CACNA2D1: variants seen among roughly 807,000 people sequenced by gnomAD.
CACNA2D1 encodes the protein calcium voltage-gated channel auxiliary subunit alpha2delta 1, also known as voltage-dependent calcium channel subunit alpha-2/delta-1.
A neutral mutation model predicts 171.5 loss-of-function variants in CACNA2D1; 53 were observed. The ratio of observed to expected loss-of-function variants is 0.31; its 90% confidence interval spans 0.25 to 0.39. The LOEUF (loss-of-function observed/expected upper bound fraction) is 0.39, where lower values mean the gene tolerates loss of function less well. Among genes scored for constraint, CACNA2D1 ranks in the 10% least tolerant of loss-of-function variants. The probability of loss-of-function intolerance (pLI) is 1.00; values close to 1 mark genes in which losing one functional copy is unlikely to be tolerated. For missense variants in CACNA2D1, 903 were observed against 1,299.8 expected, an observed-to-expected ratio of 0.69 and a Z score of 4.69; for synonymous variants, 442 against 443.1, an observed-to-expected ratio of 1.00 and a Z score of 0.03.
intron 1 of CACNA2D1, among the ~76,000 whole-genome samples, chr7:82,357,142 G>T (rs1265175489): frequency 6.6e-6 from 1 of 152,026 alleles, no homozygotes; most frequent in African/African-American, 2.4e-5. Flanking sequence ...TTTTCATTAA[G>T]CATGAGAGAA....
intron 1 of CACNA2D1, among the ~76,000 whole-genome samples, chr7:82,428,117 A>C (rs6467896): frequency 1.3e-5 from 2 of 151,706 alleles, no homozygotes; most frequent in African/African-American, 2.4e-5. Flanking sequence ...TAAAAAAAAA[A>C]CAAACAAAAA....
chr7:82,190,862 G>C (rs934949136), intron 3 of CACNA2D1, among the ~76,000 whole-genome samples: 1 of 151,528 alleles, frequency 6.6e-6, no homozygotes, highest in Non-Finnish European at 1.5e-5. Flanking sequence ...TTTGAGCCTT[G>C]AAAAGTCAAC....
chr7:81,987,357 T>C (rs1797075287), intron 21 of CACNA2D1, among the ~76,000 whole-genome samples: 1 of 152,156 alleles, frequency 6.6e-6, no homozygotes, highest in Non-Finnish European at 1.5e-5. Context: ...TAAAGTTTAA[T>C]AAAGCAAGTG....
At chr7:82,286,262 G>A (rs1437949501) in intron 3 of CACNA2D1, among the ~76,000 whole-genome samples, 1 of 152,006 alleles carries the variant, frequency 6.6e-6, no homozygotes, top group Non-Finnish European at 1.5e-5. Flanking sequence ...CTTTCTCTGG[G>A]AAGTCTGTTT....
At chr7:82,055,983 AC>A (rs1208763983) in intron 10 of CACNA2D1, among the ~76,000 whole-genome samples, 1 of 134,718 alleles carries the variant, frequency 7.4e-6, no homozygotes, top group Admixed American at 7.8e-5. Context: ...CCAAAAGGTT[AC>A]ATGACAATAA....
intron 1 of CACNA2D1, among the ~76,000 whole-genome samples, chr7:82,363,254 CTTTTTTTTTT>C (rs35419275): frequency 2.8e-4 from 18 of 63,422 alleles, no homozygotes; most frequent in African/African-American, 1.1e-3. Context: ...TTATTTGTCT[CTTTTTTTTTT>C]TTTTTTTTTT....
Position 82,388,881 on chromosome 7 carries a change from C to A in CACNA2D1, c.96-39232G>T, listed in dbSNP as rs576258350. On this transcript the variant is annotated intron_variant, in intron 1 of 38. Coordinates refer to ENST00000356860, the MANE Select transcript of CACNA2D1 (RefSeq NM_000722.4). ...CTGTAATCCCAGCACTTTAGGAGGC[C>A]GAGGCTGGCGGATGACTGGAGGCAG... is the stretch of plus-strand genomic sequence containing the variant. Among the ~76,000 whole-genome samples, 13 of 151,808 alleles carry A rather than the reference C, an allele frequency of 8.6e-5. 1 individual carries two copies. Among genetic ancestry groups the A allele is most frequent in the African/African-American group, 2.9e-4 (12 of 41,426 alleles).
chr7:81,984,375 G>A (rs920369808), intron 22 of CACNA2D1, among the ~76,000 whole-genome samples: 1 of 152,200 alleles, frequency 6.6e-6, no homozygotes, highest in African/African-American at 2.4e-5. Context: ...GCACTGCAAT[G>A]ATTCTATGAG....
chr7:82,429,577 G>A lies in CACNA2D1; in HGVS notation c.95+13788C>T, dbSNP rs149219627. ...TCCTCTGTCACAGTCATGTACAGCC[G>A]GGACTCAGCTGGCCTTTAGATGCCA... On this transcript the variant is annotated intron_variant, in intron 1 of 38. Transcript: ENST00000356860. 1.2e-3 allele frequency among the ~76,000 whole-genome samples: 188 copies of A among 152,218 alleles called. 1 individual carries two copies. Among genetic ancestry groups the A allele is most frequent in the Middle Eastern group, 3.4e-3 (1 of 294 alleles).
chr7:82,292,443 G>T (rs1417786137), intron 3 of CACNA2D1, among the ~76,000 whole-genome samples: 2 of 151,998 alleles, frequency 1.3e-5, no homozygotes, highest in African/African-American at 4.8e-5. Context: ...TGTTTTGTTG[G>T]AGCACTTCCT....
intron 6 of CACNA2D1, among the ~76,000 whole-genome samples, chr7:82,096,350 C>A (rs1328224933): frequency 5.9e-5 from 9 of 152,106 alleles, no homozygotes; most frequent in Non-Finnish European, 8.8e-5. Flanking sequence ...CAGGGCCTAT[C>A]AAGACAGACA....
At chr7:82,413,226 T>A (rs1827850520) in intron 1 of CACNA2D1, among the ~76,000 whole-genome samples, 1 of 152,238 alleles carries the variant, frequency 6.6e-6, no homozygotes, top group Non-Finnish European at 1.5e-5. Context: ...AATTTTTATA[T>A]CTGTGCAAAA....
chr7:82,065,369 A>T (rs1029650292), intron 8 of CACNA2D1, among the ~76,000 whole-genome samples: 2 of 152,126 alleles, frequency 1.3e-5, no homozygotes, highest in African/African-American at 4.8e-5. Context: ...ACTCAGTGGG[A>T]AGATAAGAGA....
intron 1 of CACNA2D1, among the ~76,000 whole-genome samples, chr7:82,395,179 T>C (rs1825634505): frequency 7.3e-6 from 1 of 136,300 alleles, no homozygotes; most frequent in African/African-American, 3.0e-5. Context: ...TTCTAGACAC[T>C]AAAAACACAA....
intron 38 of CACNA2D1, among the ~76,000 whole-genome samples, chr7:81,958,142 C>T (rs1793659627): frequency 6.6e-6 from 1 of 151,896 alleles, no homozygotes; most frequent in African/African-American, 2.4e-5. Context: ...AATTACTCTC[C>T]CTAGCAAGGA....
At chr7:82,402,705 C>CAAAAAAAAAA (rs59290672) in intron 1 of CACNA2D1, among the ~76,000 whole-genome samples, 5 of 64,818 alleles carry the variant, frequency 7.7e-5, no homozygotes, top group Non-Finnish European at 1.4e-4. Flanking sequence ...GACTCTGTCT[C>CAAAAAAAAAA]AAAAAAAAAA....
chr7:82,267,776 C>T (rs982412582), intron 3 of CACNA2D1, among the ~76,000 whole-genome samples: 23 of 152,044 alleles, frequency 1.5e-4, no homozygotes, highest in Non-Finnish European at 2.5e-4. Flanking sequence ...GGGCGGATCA[C>T]GAGGTCAGGA....
At chr7:82,340,831 A>G (rs537241069) in intron 2 of CACNA2D1, among the ~76,000 whole-genome samples, 1 of 152,326 alleles carries the variant, frequency 6.6e-6, no homozygotes, top group South Asian at 2.1e-4. Flanking sequence ...GGATAAATAA[A>G]TATCATCCTA....
rs943855103 is a variant in CACNA2D1 at position 82,328,615 on chromosome 7, C to T, written c.294+6520G>A. Among the ~76,000 whole-genome samples the T allele has an allele frequency of 1.2e-4, 19 of 152,138 alleles. No homozygotes were observed. In the East Asian group the frequency reaches 3.7e-3, roughly 29 times the overall value. ...GTCTGCTTTTTCTGGAATCATCCTT[C>T]TACATTCAGACTATTTTTTCTTATT... is the stretch of plus-strand genomic sequence containing the variant. On this transcript the variant is annotated intron_variant, in intron 3 of 38. Transcript: ENST00000356860.
Sources: allele counts gnomAD v4.1 joint callset (sites outside exome capture counted in the v4.1 genomes callset), GRCh38; gene constraint gnomAD v4.1.1; transcripts MANE v1.5; gene names NCBI Gene and HGNC (gene_info 2026-07-23, HGNC 2026-07-21).